PRKD1: variants seen among roughly 807,000 people sequenced by gnomAD.
PRKD1 encodes the protein protein kinase D1, also known as serine/threonine-protein kinase D1.
PRKD1 carries 63 observed loss-of-function variants against 95.9 expected under a neutral mutation model. The observed-to-expected ratio is 0.66, with a 90% CI of 0.54 to 0.81. PRKD1 has a LOEUF of 0.81. Ranked by LOEUF, PRKD1 falls within the 30% of genes least tolerant of loss-of-function variation. The pLI is 0.00. For missense variants in PRKD1, 1,048 were observed against 1,165.3 expected (o/e 0.90, Z 1.47); for synonymous variants, 425 against 423.1 (o/e 1.00, Z -0.05).
intron 2 of PRKD1, among the ~76,000 whole-genome samples, chr14:29,674,829 T>C (rs1017051999): frequency 3.6e-4 from 55 of 152,312 alleles, no homozygotes; most frequent in African/African-American, 1.2e-3. Context: ...TCAGGACAAA[T>C]AGCATCACTG....
At chr14:29,866,060 C>T (rs549241111) in intron 1 of PRKD1, among the ~76,000 whole-genome samples, 53 of 152,100 alleles carry the variant, frequency 3.5e-4, no homozygotes, top group African/African-American at 1.3e-3. Flanking sequence ...ACAAAAAGTA[C>T]TGTTTTCAGC....
At chr14:29,703,425 TG>T (rs889257777) in intron 2 of PRKD1, among the ~76,000 whole-genome samples, 5 of 152,192 alleles carry the variant, frequency 3.3e-5, no homozygotes, top group African/African-American at 1.2e-4. Context: ...CACTGGGTTT[TG>T]GGACAGTTTC....
intron 1 of PRKD1, among the ~76,000 whole-genome samples, chr14:29,769,461 G>A (rs138166997): frequency 1.4e-4 from 22 of 152,136 alleles, no homozygotes; most frequent in African/African-American, 5.1e-4. Context: ...TCAGGGAGAC[G>A]GAGGCAGAAG....
chr14:29,715,177 A>C (rs986212433), intron 2 of PRKD1, among the ~76,000 whole-genome samples: 1 of 152,158 alleles, frequency 6.6e-6, no homozygotes, highest in Non-Finnish European at 1.5e-5. Context: ...TATTCATAAC[A>C]TCATTCAATA....
intron 16 of PRKD1, among the ~76,000 whole-genome samples, chr14:29,587,988 T>TA (rs1892994279): frequency 6.6e-6 from 1 of 152,208 alleles, no homozygotes; most frequent in African/African-American, 2.4e-5. Context: ...CTGGCTAGTC[T>TA]CCTCGCCTCT....
intron 9 of PRKD1, among the ~76,000 whole-genome samples, chr14:29,632,290 T>C (rs945423909): frequency 1.3e-5 from 2 of 152,018 alleles, no homozygotes; most frequent in Non-Finnish European, 2.9e-5. Context: ...TATTCCAGAG[T>C]CTGCATTCAT....
chr14:29,733,299 T>C (rs1886546969), intron 1 of PRKD1, among the ~76,000 whole-genome samples: 1 of 151,962 alleles, frequency 6.6e-6, no homozygotes, highest in African/African-American at 2.4e-5. Context: ...AGACGGGTTT[T>C]CACCGTGTTA....
intron 1 of PRKD1, among the ~76,000 whole-genome samples, chr14:29,872,239 C>A (rs540908944): frequency 6.6e-6 from 1 of 152,252 alleles, no homozygotes; most frequent in South Asian, 2.1e-4. Flanking sequence ...AATTAAAAAA[C>A]AGAAGCATAC....
At chr14:29,906,496 C>A (rs1014061468) in intron 1 of PRKD1, among the ~76,000 whole-genome samples, 1 of 151,370 alleles carries the variant, frequency 6.6e-6, no homozygotes, top group East Asian at 1.9e-4. Context: ...CATGATTGCA[C>A]GTCCCAGGCA....
In PRKD1 at chr14:29,762,321, A is replaced by C. The variant is rs1310288795; in HGVS notation, c.265-36647T>G. ...CTATTACTATAGACTCTTGAACTCC[A>C]CTCCCTTTGTCTTCATAGGCACTCC... On this transcript the variant is annotated intron_variant, in intron 1 of 17. Transcript: ENST00000331968. Among the ~76,000 whole-genome samples, 7 of 151,834 alleles carry C rather than the reference A, an allele frequency of 4.6e-5. No individual in the cohort carries two copies. In the East Asian group the frequency reaches 1.4e-3, roughly 30 times the overall value.
intron 1 of PRKD1, among the ~76,000 whole-genome samples, chr14:29,759,735 A>G (rs1314085997): frequency 6.6e-6 from 1 of 152,194 alleles, no homozygotes; most frequent in Non-Finnish European, 1.5e-5. Context: ...GGTGGCAGAA[A>G]CTGGCATTGT....
chr14:29,878,553 G>A (rs1351263785), intron 1 of PRKD1, among the ~76,000 whole-genome samples: 2 of 152,144 alleles, frequency 1.3e-5, no homozygotes, highest in African/African-American at 2.4e-5. Context: ...TATATACAGA[G>A]AAGGGAGTAT....
At chr14:29,677,485 T>C (rs1226489779) in intron 2 of PRKD1, among the ~76,000 whole-genome samples, 1 of 152,222 alleles carries the variant, frequency 6.6e-6, no homozygotes, top group Non-Finnish European at 1.5e-5. Flanking sequence ...ATATTTCTAC[T>C]TCATTTCATT....
intron 1 of PRKD1, among the ~76,000 whole-genome samples, chr14:29,772,130 G>C (rs1399332480): frequency 6.6e-6 from 1 of 152,166 alleles, no homozygotes; most frequent in African/African-American, 2.4e-5. Flanking sequence ...GTAAGCCTTT[G>C]GGGGATATTG....
intron 1 of PRKD1, among the ~76,000 whole-genome samples, chr14:29,806,828 T>A (rs934773547): frequency 5.1e-4 from 77 of 152,290 alleles, no homozygotes; most frequent in African/African-American, 1.7e-3. Flanking sequence ...GTCTCAAAGA[T>A]TGAAATGTTA....
At chr14:29,845,291 TTAAA>T (rs1892036593) in intron 1 of PRKD1, among the ~76,000 whole-genome samples, 5 of 152,214 alleles carry the variant, frequency 3.3e-5, no homozygotes. Flanking sequence ...CAGAGGTTAA[TTAAA>T]TAAATGTCTA....
chr14:29,678,742 T>G (rs1240746956), intron 2 of PRKD1, among the ~76,000 whole-genome samples: 1 of 152,218 alleles, frequency 6.6e-6, no homozygotes, highest in Non-Finnish European at 1.5e-5. Flanking sequence ...TTTCAATACT[T>G]AACTAAATTT....
intron 2 of PRKD1, among the ~76,000 whole-genome samples, chr14:29,679,027 T>C (rs936848043): frequency 6.6e-6 from 1 of 152,198 alleles, no homozygotes; most frequent in Admixed American, 6.5e-5. Context: ...ATCACTTTCT[T>C]GGACTCTTTT....
chr14:29,898,160 T>C (rs998869166), intron 1 of PRKD1, among the ~76,000 whole-genome samples: 2 of 152,152 alleles, frequency 1.3e-5, no homozygotes, highest in East Asian at 1.9e-4. Flanking sequence ...TATCCCTCTT[T>C]TCAATTCCAG....
Sources: allele counts gnomAD v4.1 joint callset (sites outside exome capture counted in the v4.1 genomes callset), GRCh38; gene constraint gnomAD v4.1.1; transcripts MANE v1.5; gene names NCBI Gene and HGNC (gene_info 2026-07-23, HGNC 2026-07-21).